The following NDUFA10 variants were observed in gnomAD, a reference collection of about 807,000 sequenced individuals.
NDUFA10 encodes the protein NADH:ubiquinone oxidoreductase subunit A10, also known as NADH dehydrogenase [ubiquinone] 1 alpha subcomplex subunit 10, mitochondrial.
A neutral mutation model predicts 47.8 loss-of-function variants in NDUFA10; 40 were observed. The ratio of observed to expected loss-of-function variants is 0.84; its 90% CI spans 0.65 to 1.09. The LOEUF (loss-of-function observed/expected upper bound fraction) is 1.09. NDUFA10 is among the 50% of genes least tolerant of loss of function. The pLI is 0.00. For missense variants in NDUFA10, 413 were observed against 451.1 expected, an observed-to-expected ratio of 0.92 and a Z score of 0.76; for synonymous variants, 183 against 172.2, an observed-to-expected ratio of 1.06 and a Z score of -0.49.
At chr2:239,979,291 T>A (rs1052671256) in intron 9 of NDUFA10, among the ~76,000 whole-genome samples, 5 of 142,060 alleles carry the variant, frequency 3.5e-5, no homozygotes, top group African/African-American at 1.3e-4. Context: ...ACTACCTGTC[T>A]CTATTGTGCT....
In NDUFA10 at chr2:239,960,505, T is replaced by C. The variant is rs1158099841; in HGVS notation, c.*613A>G. The C allele has an allele frequency of 5.0e-6, 5 of 998,252 alleles. No individual in the cohort carries two copies. The highest frequency in any genetic ancestry group is 6.0e-6 in the Non-Finnish European group (5 of 835,856). 61.8% of individuals were successfully genotyped at this position (998,252 alleles called of 1,614,324 possible). ...TCTCAACGTCTCTCTTAAAACATAT[T>C]GTTCTGTAAATCTGTGGTAATTTTC... is the stretch of plus-strand genomic sequence containing the variant. On this transcript the variant is annotated 3_prime_UTR_variant, in exon 10 of 10. Coordinates refer to ENST00000252711, the MANE Select transcript of NDUFA10 (RefSeq NM_004544.4).
rs200321775 is a variant in NDUFA10 at position 240,011,644 on chromosome 2, T to C, written c.722A>G (p.Tyr241Cys). The C allele has an allele frequency of 6.8e-6, 11 of 1,613,624 alleles. No homozygotes were observed. Among genetic ancestry groups the C allele is most frequent in the Non-Finnish European group, 9.3e-6 (11 of 1,179,496 alleles). Residue 241 changes from tyrosine to cysteine, a missense_variant, in exon 6 of 10, where the codon TAT (tyrosine) becomes TGT (cysteine). By Grantham distance (194) the Tyr-to-Cys change is radical. Coordinates refer to ENST00000252711, the MANE Select transcript of NDUFA10 (RefSeq NM_004544.4). ...SAYLQDIENA[Y>C]KKTFLPEMSE... Reference sequence around the variant, plus strand: ...CATCTCAGGGAGAAAGGTTTTCTTATAGGCATTCTCAATGTCCTGTAGATA... The same window carrying C: ...CATCTCAGGGAGAAAGGTTTTCTTACAGGCATTCTCAATGTCCTGTAGATA...
chr2:239,958,279 C>A lies in NDUFA10; in HGVS notation c.*2839G>T, dbSNP rs1177838888. 1 of 152,178 alleles carries A rather than the reference C, an allele frequency of 6.6e-6. No individual in the cohort carries two copies. The highest frequency in any genetic ancestry group is 1.5e-5 in the Non-Finnish European group (1 of 68,038). The allele number at this position is 152,178 out of a possible 1,614,324, so 9.4% of individuals were successfully genotyped here. ...ACTATGCTTCTTCCCAGAAAGTAGC[C>A]GCCTGCTTGCTTCTTTGCATTGACA... On this transcript the variant is annotated 3_prime_UTR_variant, in exon 10 of 10. Transcript: ENST00000252711.
At chr2:239,986,348 G>A (rs763543748) in intron 9 of NDUFA10, among the ~76,000 whole-genome samples, 7 of 152,168 alleles carry the variant, frequency 4.6e-5, no homozygotes, top group African/African-American at 7.2e-5. Flanking sequence ...GATTAGGGAC[G>A]CCATGGTAGC....
intron 1 of NDUFA10, among the ~76,000 whole-genome samples, chr2:240,024,419 G>C (rs1450477008): frequency 6.6e-6 from 1 of 152,190 alleles, no homozygotes; most frequent in Non-Finnish European, 1.5e-5. Context: ...GGCAACTATG[G>C]AAATGTTAAT....
chr2:239,901,722 G>A (rs1301803365), intron 4 of NDUFA10, among the ~76,000 whole-genome samples: 1 of 151,554 alleles, frequency 6.6e-6, no homozygotes, highest in Non-Finnish European at 1.5e-5. Flanking sequence ...AAAACCTTCT[G>A]GAAAGGCTTC....
chr2:239,894,896 C>G (rs1436268177), intron 5 of NDUFA10, among the ~76,000 whole-genome samples: 1 of 152,166 alleles, frequency 6.6e-6, no homozygotes, highest in East Asian at 1.9e-4. Flanking sequence ...CCTGAGGTAC[C>G]TCAAATTTAG....
In NDUFA10 at chr2:240,005,191, C is replaced by T. The variant is rs1233481421; in HGVS notation, c.890+19G>A. 3.1e-6 allele frequency: 5 copies of T among 1,601,996 alleles called. No individual in the cohort carries two copies. Among genetic ancestry groups the T allele is most frequent in the Non-Finnish European group, 4.3e-6 (5 of 1,169,108 alleles). On this transcript the variant is annotated intron_variant, in intron 8 of 9. Coordinates refer to ENST00000252711, the MANE Select transcript of NDUFA10 (RefSeq NM_004544.4). Reference sequence around the variant, plus strand: ...AGTAGACCCCAGACATGCAGCAGCCCCCACACAGATGCACTTACAGTAATC... The same window carrying T: ...AGTAGACCCCAGACATGCAGCAGCCTCCACACAGATGCACTTACAGTAATC...
intron 4 of NDUFA10, among the ~76,000 whole-genome samples, chr2:239,905,705 C>T (rs1412251963): frequency 2.6e-5 from 4 of 151,874 alleles, no homozygotes; most frequent in Non-Finnish European, 4.4e-5. Context: ...GGAGAGCTTC[C>T]GAGGAAAGGT....
chr2:240,006,652 T>C (rs1397637409), intron 7 of NDUFA10, among the ~76,000 whole-genome samples: 3 of 152,268 alleles, frequency 2.0e-5, no homozygotes, highest in Admixed American at 1.3e-4. Flanking sequence ...GGATGCTCAG[T>C]TGCCTCAGTA....
At chr2:239,924,477 G>T (rs985175609) in intron 4 of NDUFA10, among the ~76,000 whole-genome samples, 1 of 151,848 alleles carries the variant, frequency 6.6e-6, no homozygotes, top group Admixed American at 6.6e-5. Context: ...TGCAGAAAAT[G>T]TACTTGACAA....
At chr2:239,911,212 G>C (rs962686813) in intron 4 of NDUFA10, among the ~76,000 whole-genome samples, 31 of 152,212 alleles carry the variant, frequency 2.0e-4, no homozygotes, top group African/African-American at 7.5e-4. Flanking sequence ...GGAGGGAGTT[G>C]TGTGTGTAAT....
intron 4 of NDUFA10, among the ~76,000 whole-genome samples, chr2:239,941,599 G>A (rs965030763): frequency 6.6e-6 from 1 of 152,056 alleles, no homozygotes; most frequent in South Asian, 2.1e-4. Context: ...GATGGCGCAC[G>A]TTTGTAATCC....
chr2:240,024,855 C>A (rs1028133463), intron 1 of NDUFA10, among the ~76,000 whole-genome samples: 3 of 152,246 alleles, frequency 2.0e-5, no homozygotes, highest in African/African-American at 7.2e-5. Context: ...AAGCACCCAG[C>A]AGGGCCCGAC....
chr2:239,950,162 A>G (rs867284960), intron 4 of NDUFA10, among the ~76,000 whole-genome samples: 1 of 152,198 alleles, frequency 6.6e-6, no homozygotes, highest in South Asian at 2.1e-4. Flanking sequence ...CAGTCCTTAT[A>G]GCCCCTCCGC....
At chr2:239,939,046 C>T (rs1036047277) in intron 4 of NDUFA10, among the ~76,000 whole-genome samples, 3 of 152,206 alleles carry the variant, frequency 2.0e-5, no homozygotes, top group Non-Finnish European at 2.9e-5. Flanking sequence ...CTCAGGAGGC[C>T]CCACAATGCT....
chr2:240,004,801 G>A (rs1420059532), intron 8 of NDUFA10, among the ~76,000 whole-genome samples: 6 of 152,146 alleles, frequency 3.9e-5, no homozygotes, highest in South Asian at 2.1e-4. Context: ...GCCTCATCCC[G>A]AGAGAGGCCC....
At position 240,021,112 on chromosome 2, in the gene NDUFA10, C is replaced by T. The variant is rs188777421; in HGVS notation, c.460+85G>A. ...CTCATCAAACACCCTTAAAGGAAAG[C>T]TCGACTCAGTGGCAATTTAACGTGG... On this transcript the variant is annotated intron_variant, in intron 3 of 9. Coordinates refer to ENST00000252711, the MANE Select transcript of NDUFA10 (RefSeq NM_004544.4). 1.6e-5 allele frequency: 19 copies of T among 1,164,384 alleles called. No homozygotes were observed. In the Admixed American group the frequency reaches 2.5e-4, roughly 15 times the overall value. The allele number at this position is 1,164,384 out of a possible 1,614,324, so 72.1% of individuals were successfully genotyped here. A position where few individuals can be genotyped will look rare whatever the true frequency, so the allele number is the denominator to read the frequency against.
intron 4 of NDUFA10, among the ~76,000 whole-genome samples, chr2:239,913,493 G>A (rs1339850317): frequency 6.6e-6 from 1 of 152,214 alleles, no homozygotes; most frequent in Non-Finnish European, 1.5e-5. Flanking sequence ...CTGGGTGGGT[G>A]GCGTGGCCTT....
Sources: allele counts gnomAD v4.1 joint callset (sites outside exome capture counted in the v4.1 genomes callset), GRCh38; gene constraint gnomAD v4.1.1; transcripts MANE v1.5; gene names NCBI Gene and HGNC (gene_info 2026-07-23, HGNC 2026-07-21).